Variants in SORCS3 observed in about 807,000 individuals in gnomAD.
SORCS3 encodes sortilin related VPS10 domain containing receptor 3, also known as VPS10 domain-containing receptor SorCS3.
Under a neutral mutation model 146.3 loss-of-function variants are expected in SORCS3, and 57 were observed. That is an observed-to-expected ratio of 0.39 (90% CI 0.31 to 0.49). The LOEUF (loss-of-function observed/expected upper bound fraction) is 0.49, where lower values mean the gene tolerates loss of function less well. Ranked by LOEUF, SORCS3 falls within the 20% of genes least tolerant of loss-of-function variation. The pLI, the probability that SORCS3 is intolerant of heterozygous loss-of-function variation, is 0.92. For missense variants in SORCS3, 1,341 were observed against 1,575.5 expected (o/e 0.85, Z 2.52); for synonymous variants, 653 against 618.5 (o/e 1.06, Z -0.83).
chr10:104,675,129 T>C (rs1414984125), intron 1 of SORCS3, among the ~76,000 whole-genome samples: 1 of 152,344 alleles, frequency 6.6e-6, no homozygotes, highest in African/African-American at 2.4e-5. Context: ...ATGCCTAATT[T>C]TTTTTAACGT....
intron 1 of SORCS3, among the ~76,000 whole-genome samples, chr10:104,795,965 C>T (rs1306669064): frequency 6.6e-6 from 1 of 152,156 alleles, no homozygotes; most frequent in Non-Finnish European, 1.5e-5. Flanking sequence ...AGTCATATGC[C>T]CCCTAGCAGA....
At chr10:105,257,046 T>C (rs915728413) in intron 25 of SORCS3, 122 bp downstream of exon 25, 1 of 737,460 alleles carries the variant, frequency 1.4e-6, no homozygotes, top group Admixed American at 2.1e-5. Context: ...TGAACTTCTG[T>C]TTGACAATGG....
intron 1 of SORCS3, among the ~76,000 whole-genome samples, chr10:104,672,595 ATTTCCCCCTTAGGAC>A (rs2015868433): frequency 6.6e-6 from 1 of 151,942 alleles, no homozygotes; most frequent in African/African-American, 2.4e-5. Context: ...ATAGCTCTAA[ATTTCCCCCTTAGGAC>A]TGCTTTTGCT....
At chr10:104,914,990 A>T (rs1307335717) in intron 2 of SORCS3, among the ~76,000 whole-genome samples, 1 of 141,008 alleles carries the variant, frequency 7.1e-6, no homozygotes, top group Non-Finnish European at 1.5e-5. Context: ...GGAAAAAGGG[A>T]GGGAGGTCTC....
intron 1 of SORCS3, among the ~76,000 whole-genome samples, chr10:104,830,374 C>T (rs1204213717): frequency 5.9e-5 from 9 of 152,146 alleles, no homozygotes; most frequent in East Asian, 1.9e-4. Flanking sequence ...GGAACCATCA[C>T]GTGACTGCCT....
intron 13 of SORCS3, among the ~76,000 whole-genome samples, chr10:105,172,294 A>C (rs182240526): frequency 6.6e-6 from 1 of 152,188 alleles, no homozygotes; most frequent in East Asian, 1.9e-4. Context: ...CATTTATTGC[A>C]TACATATTTG....
intron 3 of SORCS3, among the ~76,000 whole-genome samples, chr10:104,947,132 C>T (rs886367491): frequency 1.3e-5 from 2 of 152,188 alleles, no homozygotes; most frequent in African/African-American, 4.8e-5. Flanking sequence ...TACCCTTATC[C>T]TCACTGCTCC....
chr10:105,252,943 C>T, intron 23 of SORCS3, 37 bp downstream of exon 23: 1 of 1,603,710 alleles, frequency 6.2e-7, no homozygotes, highest in Non-Finnish European at 8.5e-7. Context: ...CCCTTGCCTG[C>T]ACCCTACACC....
chr10:104,932,443 G>A (rs2019217385), intron 3 of SORCS3, among the ~76,000 whole-genome samples: 2 of 152,172 alleles, frequency 1.3e-5, no homozygotes, highest in African/African-American at 4.8e-5. Context: ...CTGTACCACA[G>A]TTATCCCCTC....
intron 2 of SORCS3, among the ~76,000 whole-genome samples, chr10:104,874,340 C>T (rs1421784089): frequency 1.3e-5 from 2 of 152,146 alleles, no homozygotes; most frequent in Non-Finnish European, 2.9e-5. Context: ...CCTTTGCTAT[C>T]TTGTCTCTAG....
intron 4 of SORCS3, among the ~76,000 whole-genome samples, chr10:105,014,147 T>TA (rs1352568074): frequency 6.7e-6 from 1 of 149,402 alleles, no homozygotes; most frequent in Non-Finnish European, 1.5e-5. Flanking sequence ...CAACGTAATA[T>TA]AAAAAAATTC....
intron 1 of SORCS3, among the ~76,000 whole-genome samples, chr10:104,727,417 C>T (rs1018996490): frequency 2.6e-5 from 4 of 152,030 alleles, no homozygotes; most frequent in Non-Finnish European, 5.9e-5. Context: ...ATCCCTCCAA[C>T]GTCTTCCCTC....
intron 2 of SORCS3, among the ~76,000 whole-genome samples, chr10:104,894,644 G>A (rs776537199): frequency 2.0e-5 from 3 of 152,194 alleles, no homozygotes; most frequent in Non-Finnish European, 4.4e-5. Context: ...ACCCATGCAC[G>A]AGGTATTTCT....
At chr10:105,030,402 C>T (rs1476048978) in intron 4 of SORCS3, among the ~76,000 whole-genome samples, 1 of 152,126 alleles carries the variant, frequency 6.6e-6, no homozygotes, top group Non-Finnish European at 1.5e-5. Context: ...CTGTTACCTC[C>T]AGCAGGCTAG....
intron 1 of SORCS3, among the ~76,000 whole-genome samples, chr10:104,780,286 T>C (rs2017360146): frequency 6.6e-6 from 1 of 151,914 alleles, no homozygotes; most frequent in East Asian, 1.9e-4. Context: ...ACTGTAATTA[T>C]AATAATAATA....
At chr10:104,856,071 G>A (rs1032478620) in intron 2 of SORCS3, among the ~76,000 whole-genome samples, 6 of 152,112 alleles carry the variant, frequency 3.9e-5, no homozygotes, top group African/African-American at 1.4e-4. Context: ...ACTCAGCACG[G>A]TGCTAGGCGT....
intron 20 of SORCS3, among the ~76,000 whole-genome samples, chr10:105,231,928 A>G (rs2056768342): frequency 6.6e-6 from 1 of 152,094 alleles, no homozygotes; most frequent in Non-Finnish European, 1.5e-5. Flanking sequence ...GGATTTTTGC[A>G]TCTTTGTTCC....
At chr10:105,110,260 A>G (rs2055850759) in intron 7 of SORCS3, among the ~76,000 whole-genome samples, 1 of 150,736 alleles carries the variant, frequency 6.6e-6, no homozygotes, top group Admixed American at 6.6e-5. Context: ...GAGCTCTTGT[A>G]TTTCTGCTTC....
At chr10:105,185,292 T>C (rs1440051685) in intron 14 of SORCS3, among the ~76,000 whole-genome samples, 1 of 152,208 alleles carries the variant, frequency 6.6e-6, no homozygotes, top group African/African-American at 2.4e-5. Flanking sequence ...CACAGGTGTA[T>C]CTTGCTTGGT....
Sources: allele counts gnomAD v4.1 joint callset (sites outside exome capture counted in the v4.1 genomes callset), GRCh38; gene constraint gnomAD v4.1.1; transcripts MANE v1.5; gene names NCBI Gene and HGNC (gene_info 2026-07-23, HGNC 2026-07-21).